The following DNAJC13 variants were observed in gnomAD, a reference collection of about 807,000 sequenced individuals.
DNAJC13 encodes dnaJ homolog subfamily C member 13.
In DNAJC13, 75 loss-of-function variants were observed where a neutral mutation model predicts 290.5. The observed-to-expected ratio is 0.26, with a 90% CI of 0.21 to 0.31. The LOEUF (loss-of-function observed/expected upper bound fraction) is 0.31. Ranked by LOEUF, DNAJC13 falls within the 10% of genes least tolerant of loss-of-function variation. DNAJC13 has a pLI of 1.00. For missense variants in DNAJC13, 2,260 were observed against 2,674.5 expected (o/e 0.85, Z 3.42); for synonymous variants, 862 against 892.0 (o/e 0.97, Z 0.60).
intron 1 of DNAJC13, among the ~76,000 whole-genome samples, chr3:132,426,143 G>A (rs1363988283): frequency 6.6e-6 from 1 of 152,122 alleles, no homozygotes; most frequent in Non-Finnish European, 1.5e-5. Context: ...ATTGAGAGAG[G>A]TGAATCTAGC....
At chr3:132,468,717 A>G (rs1428159412) in intron 20 of DNAJC13, among the ~76,000 whole-genome samples, 7 of 152,190 alleles carry the variant, frequency 4.6e-5, no homozygotes, top group Admixed American at 4.6e-4. Flanking sequence ...TAGTAAAGGC[A>G]CTATATACAT....
intron 1 of DNAJC13, among the ~76,000 whole-genome samples, chr3:132,431,353 T>A (rs945425656): frequency 2.6e-5 from 4 of 151,956 alleles, no homozygotes; most frequent in Non-Finnish European, 5.9e-5. Context: ...TAAGAGGGAA[T>A]AGGGTAGAAT....
chr3:132,526,118 A>G, intron 52 of DNAJC13, 23 bp from the exon 53 acceptor site: 1 of 1,613,212 alleles, frequency 6.2e-7, no homozygotes, highest in South Asian at 1.1e-5. Flanking sequence ...GTCTACAAGT[A>G]ACCTTCTCTT....
chr3:132,490,590 TAC>T (rs1935031715), intron 31 of DNAJC13, among the ~76,000 whole-genome samples: 1 of 152,204 alleles, frequency 6.6e-6, no homozygotes, highest in Admixed American at 6.5e-5. Context: ...TGTTATCCAT[TAC>T]TGTTACACAT....
In DNAJC13 at chr3:132,453,393, G is replaced by A; in HGVS notation, c.633G>A (p.Glu211=). ...YIGISLRIRK[E]PLEFEQYLNL... ...GTATTTCATTGCGGATCAGGAAAGA[G>A]CCTTTAGAATTCGAGCAATATTTGA... Residue 211 remains glutamate, a synonymous_variant, in exon 7 of 56, where the codon GAG becomes GAA. Transcript: ENST00000260818. 6.2e-7 allele frequency: 1 copy of A among 1,613,940 alleles called. No individual in the cohort carries two copies. Among genetic ancestry groups the A allele is most frequent in the Non-Finnish European group, 8.5e-7 (1 of 1,179,936 alleles).
intron 24 of DNAJC13, among the ~76,000 whole-genome samples, chr3:132,478,894 C>T (rs997038056): frequency 6.6e-6 from 1 of 152,152 alleles, no homozygotes; most frequent in South Asian, 2.1e-4. Flanking sequence ...TTTGTGTTTA[C>T]ATCCTTTTAC....
chr3:132,441,312 G>A (rs1006358194), intron 2 of DNAJC13, among the ~76,000 whole-genome samples: 4 of 152,316 alleles, frequency 2.6e-5, no homozygotes, highest in South Asian at 2.1e-4. Flanking sequence ...CTACAATACC[G>A]GGACATGAAT....
At chr3:132,533,236 A>G (rs1936477613) in intron 55 of DNAJC13, among the ~76,000 whole-genome samples, 1 of 144,116 alleles carries the variant, frequency 6.9e-6, no homozygotes, top group African/African-American at 2.6e-5. Context: ...TTGTATTTTT[A>G]GTAGAGGCTG....
chr3:132,513,890 G>GTA (rs1255946762), intron 45 of DNAJC13, among the ~76,000 whole-genome samples: 1 of 152,052 alleles, frequency 6.6e-6, no homozygotes, highest in African/African-American at 2.4e-5. Context: ...GCAGTAACAG[G>GTA]TATATAGATG....
rs1559920538 is a variant in DNAJC13, at chr3:132,538,864, T to C, written c.*582T>C. On this transcript the variant is annotated 3_prime_UTR_variant, in exon 56 of 56. Transcript: ENST00000260818. ...ATGAAAAGGAGCTTGTGCAAAAAAA[T>C]TTAAAAATGGATGTCAAGATGTTAT... The C allele has an allele frequency of 6.6e-6, 1 of 152,488 alleles. No homozygotes were observed. Among genetic ancestry groups the C allele is most frequent in the East Asian group, 1.9e-4 (1 of 5,198 alleles). 9.4% of individuals were successfully genotyped at this position (152,488 alleles called of 1,614,324 possible). A position where few individuals can be genotyped will look rare whatever the true frequency, so the allele number is the denominator to read the frequency against.
At chr3:132,447,992 A>G (rs1010381404) in intron 5 of DNAJC13, 53 bp downstream of exon 5, 1 of 1,248,672 alleles carries the variant, frequency 8.0e-7, no homozygotes, top group Non-Finnish European at 1.1e-6. Flanking sequence ...GTTGCCCTTT[A>G]TTGTAGAAAT....
intron 55 of DNAJC13, among the ~76,000 whole-genome samples, chr3:132,532,062 C>G (rs1220718729): frequency 1.3e-5 from 2 of 152,152 alleles, no homozygotes; most frequent in Non-Finnish European, 2.9e-5. Flanking sequence ...ATCTAGTCTG[C>G]TATAAAAGTT....
At position 132,447,348 on chromosome 3, in the gene DNAJC13, A is replaced by G; in HGVS notation, c.172A>G (p.Ser58Gly). ...QWPYGDICSI[S>G]PVGKGQGTEF... Reference sequence around the variant, plus strand: ...GCCTTATGGAGACATTTGCAGCATCAGCCCTGTTGGAAAAGGACAAGGAAC... The same window carrying G: ...GCCTTATGGAGACATTTGCAGCATCGGCCCTGTTGGAAAAGGACAAGGAAC... Residue 58 changes from serine to glycine, a missense_variant, in exon 4 of 56, where the codon AGC (serine) becomes GGC (glycine). This residue lies in a region of DNAJC13 where 762 missense variants were observed against 964.1 expected (regional missense o/e 0.79). Coordinates refer to ENST00000260818, the MANE Select transcript of DNAJC13 (RefSeq NM_015268.4). 6.3e-7 allele frequency: 1 copy of G among 1,593,830 alleles called. No individual in the cohort carries two copies. Among genetic ancestry groups the G allele is most frequent in the East Asian group, 2.3e-5 (1 of 43,872 alleles).
chr3:132,471,116 G>A (rs1026152569), intron 20 of DNAJC13, among the ~76,000 whole-genome samples: 1 of 133,866 alleles, frequency 7.5e-6, no homozygotes, highest in African/African-American at 2.8e-5. Context: ...GGGTGGGGGG[G>A]CTGACCCCCC....
At chr3:132,466,157 T>C in intron 18 of DNAJC13, 87 bp downstream of exon 18, 1 of 1,424,428 alleles carries the variant, frequency 7.0e-7, no homozygotes, top group Admixed American at 1.8e-5. Context: ...GGATGGTTTG[T>C]TTTTTATTGA....
chr3:132,446,671 A>C, intron 3 of DNAJC13, 121 bp downstream of exon 3: 1 of 617,444 alleles, frequency 1.6e-6, no homozygotes, highest in Non-Finnish European at 2.8e-6. Context: ...AATCAGAAAG[A>C]GATTGATGTG....
At chr3:132,521,955 A>G (rs1318834269) in intron 48 of DNAJC13, among the ~76,000 whole-genome samples, 3 of 152,230 alleles carry the variant, frequency 2.0e-5, no homozygotes, top group African/African-American at 7.2e-5. Context: ...TCTGTTATGT[A>G]ATTGAAATTT....
At chr3:132,485,921 AG>A (rs1468470769) in intron 29 of DNAJC13, among the ~76,000 whole-genome samples, 4 of 152,196 alleles carry the variant, frequency 2.6e-5, no homozygotes, top group Non-Finnish European at 5.9e-5. Context: ...GTTGTATGCC[AG>A]TGACTTGTGC....
At chr3:132,516,229 G>A (rs1935916319) in intron 46 of DNAJC13, among the ~76,000 whole-genome samples, 193 bp from the exon 47 acceptor site, 1 of 152,174 alleles carries the variant, frequency 6.6e-6, no homozygotes, top group Admixed American at 6.6e-5. Flanking sequence ...GTGAGACCTT[G>A]GGCCGGTTAA....
Sources: allele counts gnomAD v4.1 joint callset (sites outside exome capture counted in the v4.1 genomes callset), GRCh38; gene constraint gnomAD v4.1.1; regional missense constraint gnomAD v4.1.1; transcripts MANE v1.5; gene names NCBI Gene and HGNC (gene_info 2026-07-23, HGNC 2026-07-21).